The following PLCG2 variants were observed in gnomAD, a reference collection of about 807,000 sequenced individuals.
The protein encoded by PLCG2 is phospholipase C gamma 2, also known as 1-phosphatidylinositol 4,5-bisphosphate phosphodiesterase gamma-2.
PLCG2 carries 69 observed loss-of-function variants against 175.6 expected under a neutral mutation model. The observed-to-expected ratio is 0.39, with a 90% confidence interval of 0.32 to 0.48. The LOEUF (loss-of-function observed/expected upper bound fraction) is 0.48. Among genes scored for constraint, PLCG2 ranks in the 20% least tolerant of loss-of-function variants. The pLI is 0.91. For synonymous variants in PLCG2, 827 were observed against 624.0 expected (o/e 1.33, Z -4.85); for missense variants, 1,798 against 1,650.9 (o/e 1.09, Z -1.54).
chr16:81,750,971 CTTTTTTTT>C lies in PLCG2; in HGVS notation c.-144-4880_-144-4873del, dbSNP rs34518159. ...TACAGGCGTGAGCCACCGCACCCAG[CTTTTTTTT>C]TTTTTTTTTTTTTTTTTTCAAACAG... On this transcript the variant is annotated intron_variant, in intron 1 of 5. Coordinates refer to the PLCG2 transcript ENST00000565054. Among the ~76,000 whole-genome samples the C allele has an allele frequency of 2.4e-4, 10 of 41,738 alleles. No individual in the cohort carries two copies. The South Asian group carries it at 3.0e-3, about 12-fold the overall frequency. 27.4% of individuals were successfully genotyped at this position (41,738 alleles called of 152,430 possible).
chr16:81,940,485 C>G (rs986555995), intron 30 of PLCG2, among the ~76,000 whole-genome samples: 1 of 150,964 alleles, frequency 6.6e-6, no homozygotes, highest in African/African-American at 2.5e-5. Flanking sequence ...CTCGAGGGTC[C>G]AACTCCCCAA....
At chr16:81,883,048 T>C (rs190074446) in intron 8 of PLCG2, among the ~76,000 whole-genome samples, 1 of 152,308 alleles carries the variant, frequency 6.6e-6, no homozygotes, top group East Asian at 1.9e-4. Context: ...CACCAGGGCC[T>C]GCCCCTTGAG....
At chr16:81,776,183 A>G (rs577646256), upstream of PLCG2, among the ~76,000 whole-genome samples, 552 of 147,678 alleles carry the variant, frequency 3.7e-3, 5 homozygotes, top group Middle Eastern at 7.0e-3. Context: ...ATCTCGGCTC[A>G]CTGCAAGCTC....
chr16:81,910,839 C>A, intron 18 of PLCG2, 119 bp downstream of exon 18: 1 of 918,950 alleles, frequency 1.1e-6, no homozygotes, highest in South Asian at 1.4e-5. Context: ...CCCCAGCCCA[C>A]CGGCATCTCA....
At chr16:81,831,994 C>T (rs1046388062) in intron 2 of PLCG2, among the ~76,000 whole-genome samples, 1 of 152,198 alleles carries the variant, frequency 6.6e-6, no homozygotes, top group Non-Finnish European at 1.5e-5. Context: ...CTGCAGGCTG[C>T]TGTCTTGCTG....
At chr16:81,879,133 G>C (rs1218040339) in intron 7 of PLCG2, among the ~76,000 whole-genome samples, 2 of 152,142 alleles carry the variant, frequency 1.3e-5, no homozygotes, top group Middle Eastern at 3.2e-3. Flanking sequence ...GTAAAGGAAG[G>C]AGAGGGCTGA....
intron 31 of PLCG2, among the ~76,000 whole-genome samples, chr16:81,954,301 C>A (rs1327900156): frequency 6.6e-6 from 1 of 152,178 alleles, no homozygotes; most frequent in Non-Finnish European, 1.5e-5. Flanking sequence ...GGATTACATG[C>A]CTGAGGCACT....
chr16:81,877,568 T>C (rs1390221915), intron 7 of PLCG2, among the ~76,000 whole-genome samples: 1 of 152,210 alleles, frequency 6.6e-6, no homozygotes, highest in Non-Finnish European at 1.5e-5. Context: ...CAGGGAAGGA[T>C]GTGTTCCAGA....
chr16:81,781,900 C>T (rs1352581462), intron 1 of PLCG2, among the ~76,000 whole-genome samples: 1 of 132,892 alleles, frequency 7.5e-6, no homozygotes, highest in African/African-American at 2.8e-5. Flanking sequence ...GAGACGGAGT[C>T]TTGCTCTGTC....
rs556710455 is a variant in PLCG2, at chr16:81,962,029, G to A, written c.*4031G>A. 8.9e-5 allele frequency: 17 copies of A among 191,852 alleles called. No individual in the cohort carries two copies. Among genetic ancestry groups the A allele is most frequent in the East Asian group, 2.5e-4 (3 of 11,802 alleles). The allele number at this position is 191,852 out of a possible 1,614,324, so 11.9% of individuals were successfully genotyped here. A position where few individuals can be genotyped will look rare whatever the true frequency, so the allele number is the denominator to read the frequency against. ...GTGGGTGTCCCCTTCCTACCTCACC[G>A]CTCCATGTGCGTCCCTCCCGAAGCT... On this transcript the variant is annotated 3_prime_UTR_variant, in exon 33 of 33. Coordinates refer to ENST00000564138, the MANE Select transcript of PLCG2 (RefSeq NM_002661.5).
At position 81,900,561 on chromosome 16, in the gene PLCG2, G is replaced by A. The variant is rs543561374; in HGVS notation, c.1194-51G>A. On this transcript the variant is annotated intron_variant, in intron 13 of 32. Transcript: ENST00000564138. ...GCCCTGGCCCCTCTGTGGGGCAGATGCAGAGGTGTGTGCTCCCCCTGCCGA... is the reference window on the plus strand; with the variant it reads ...GCCCTGGCCCCTCTGTGGGGCAGATACAGAGGTGTGTGCTCCCCCTGCCGA... 1.0e-4 allele frequency: 153 copies of A among 1,519,358 alleles called. 1 individual carries two copies. The South Asian group carries it at 1.6e-3, about 16-fold the overall frequency. The allele number at this position is 1,519,358 out of a possible 1,614,324, so 94.1% of individuals were successfully genotyped here. A position where few individuals can be genotyped will look rare whatever the true frequency, so the allele number is the denominator to read the frequency against.
chr16:81,946,638 G>A (rs1323172897), intron 31 of PLCG2, among the ~76,000 whole-genome samples: 1 of 152,130 alleles, frequency 6.6e-6, no homozygotes, highest in African/African-American at 2.4e-5. Flanking sequence ...CAAAAAGTCT[G>A]ATAGCCTCCA....
At chr16:81,807,214 A>G (rs1267478456) in intron 2 of PLCG2, among the ~76,000 whole-genome samples, 1 of 151,352 alleles carries the variant, frequency 6.6e-6, no homozygotes, top group Non-Finnish European at 1.5e-5. Context: ...GTCTTGTCCC[A>G]GCGGTGTCCT....
rs745665533 is a variant in PLCG2, at chr16:81,921,345, A to AGTT, written c.2307+77_2307+79dup. On this transcript the variant is annotated intron_variant, in intron 21 of 32. Transcript: ENST00000564138. ...GTGGATTCCATCTTGTTCCCATGGC[A>AGTT]GTTATAACAGGGCAAGGGAAGACTT... 8.2e-6 allele frequency: 8 copies of AGTT among 972,202 alleles called. No homozygotes were observed. The African/African-American group carries it at 1.3e-4, about 15-fold the overall frequency. The allele number at this position is 972,202 out of a possible 1,614,324, so 60.2% of individuals were successfully genotyped here.
At chr16:81,924,145 T>G (rs1285252224) in intron 22 of PLCG2, among the ~76,000 whole-genome samples, 2 of 152,244 alleles carry the variant, frequency 1.3e-5, no homozygotes, top group Admixed American at 1.3e-4. Context: ...TACCTGGGTA[T>G]GCTAGGGTTT....
chr16:81,893,729 T>C lies in PLCG2; in HGVS notation c.1007T>C (p.Leu336Pro), dbSNP rs1411942106. 3 of 1,612,254 alleles carry C rather than the reference T, an allele frequency of 1.9e-6. No individual in the cohort carries two copies. The highest frequency in any genetic ancestry group is 2.5e-6 in the Non-Finnish European group (3 of 1,179,260). The change falls in exon 12 of 33, where the codon CTG becomes CCG. Residue 336 changes from leucine to proline, a missense_variant. Leu to Pro is a moderately conservative substitution (Grantham distance 98). Transcript: ENST00000564138. ...SHNTYLTGDQ[L>P]RSESSPEAYI... ...TGCAGGTACCTTACAGGTGACCAGCTGCGGAGCGAGTCGTCCCCAGAAGCT... is the reference window on the plus strand; with the variant it reads ...TGCAGGTACCTTACAGGTGACCAGCCGCGGAGCGAGTCGTCCCCAGAAGCT...
chr16:81,851,731 T>C (rs1004682259), intron 2 of PLCG2, among the ~76,000 whole-genome samples: 1 of 152,262 alleles, frequency 6.6e-6, no homozygotes, highest in African/African-American at 2.4e-5. Context: ...CAGGCTGGTC[T>C]CGAATTCCTG....
At chr16:81,808,124 G>T (rs1394143358) in intron 2 of PLCG2, among the ~76,000 whole-genome samples, 7 of 152,250 alleles carry the variant, frequency 4.6e-5, no homozygotes, top group African/African-American at 1.7e-4. Flanking sequence ...ATTTTGTGTA[G>T]ATGTGTTTTC....
At chr16:81,758,213 A>G (rs1909969091) in intron 2 of PLCG2, among the ~76,000 whole-genome samples, 3 of 152,162 alleles carry the variant, frequency 2.0e-5, no homozygotes, top group Non-Finnish European at 4.4e-5. Context: ...CCTGGGCTCA[A>G]GCGATCTGCC....
Sources: gnomAD v4.1 joint callset for allele counts (sites outside exome capture counted in the v4.1 genomes callset) on GRCh38, gnomAD v4.1.1 for gene constraint, MANE v1.5 for transcripts, NCBI Gene and HGNC (gene_info 2026-07-23, HGNC 2026-07-21) for gene names.